Variants in DHRS7B observed in about 807,000 individuals in gnomAD.
DHRS7B encodes dehydrogenase/reductase 7B, also known as peroxisomal reductase activating PPAR-gamma.
DHRS7B carries 24 observed loss-of-function variants against 26.4 expected under a neutral mutation model. The observed-to-expected ratio is 0.91, with a 90% CI of 0.66 to 1.28. The LOEUF (loss-of-function observed/expected upper bound fraction) is 1.28, where lower values mean the gene tolerates loss of function less well. DHRS7B is among the 50% of genes most tolerant of loss of function. The pLI, the probability that DHRS7B is intolerant of heterozygous loss-of-function variation, is 0.00. For synonymous variants in DHRS7B, 142 were observed against 166.4 expected (o/e 0.85, Z 1.13); for missense variants, 368 against 419.4 (o/e 0.88, Z 1.07).
At chr17:21,186,993 G>A (rs1347840715) in intron 5 of DHRS7B, among the ~76,000 whole-genome samples, 3 of 152,012 alleles carry the variant, frequency 2.0e-5, no homozygotes, top group Non-Finnish European at 4.4e-5. Flanking sequence ...CTACATGGCA[G>A]GTCTGCAGGG....
chr17:21,156,376 C>T (rs1040924209), intron 1 of DHRS7B, among the ~76,000 whole-genome samples: 8 of 151,998 alleles, frequency 5.3e-5, no homozygotes, highest in African/African-American at 1.9e-4. Flanking sequence ...GAGGCAGAGG[C>T]AGGTGGATTA....
At chr17:21,130,126 G>A (rs1044164437) in intron 1 of DHRS7B, among the ~76,000 whole-genome samples, 3 of 152,186 alleles carry the variant, frequency 2.0e-5, no homozygotes, top group South Asian at 2.1e-4. Context: ...GGCTGAGCAC[G>A]GTGGCTCACG....
intron 1 of DHRS7B, among the ~76,000 whole-genome samples, chr17:21,146,415 A>G (rs927884103): frequency 6.6e-6 from 1 of 152,200 alleles, no homozygotes; most frequent in African/African-American, 2.4e-5. Context: ...AACAAAAACA[A>G]AACAGAAAAC....
chr17:21,169,042 GGT>G, intron 1 of DHRS7B: 2 of 462,618 alleles, frequency 4.3e-6, no homozygotes, highest in Non-Finnish European at 5.7e-6. Context: ...CTCCTCCCTG[GGT>G]GTGAAGACGG....
At chr17:21,190,920 T>C (rs1395923471) in intron 6 of DHRS7B, 28 bp from the exon 7 acceptor site, 2 of 1,608,298 alleles carry the variant, frequency 1.2e-6, no homozygotes, top group Non-Finnish European at 1.7e-6. Context: ...TCCAAGTTCA[T>C]GTGTTTCTTT....
chr17:21,138,211 CTTTTTTTTTTT>C (rs901329961), intron 1 of DHRS7B, among the ~76,000 whole-genome samples: 1 of 78,224 alleles, frequency 1.3e-5, no homozygotes, highest in Non-Finnish European at 2.3e-5. Context: ...ATCCCTCCTT[CTTTTTTTTTTT>C]TTTTTTTTTT....
Position 21,172,023 on chromosome 17 carries a change from G to A in DHRS7B, c.26G>A (p.Ser9Asn). Reference sequence around the variant, plus strand: ...TTTGGTTTTGGTTCTTCCAGGAAGAGTCTGCCGAAGGTGAAGGCCATGGAC... The same window carrying A: ...TTTGGTTTTGGTTCTTCCAGGAAGAATCTGCCGAAGGTGAAGGCCATGGAC... MVSPATRK[S>N]LPKVKAMDFI... The change falls in exon 2 of 7, where the codon AGT (serine) becomes AAT (asparagine). Residue 9 changes from serine to asparagine, a missense_variant. Ser to Asn is a conservative substitution (Grantham distance 46). Transcript: ENST00000395511. The A allele has an allele frequency of 6.2e-7, 1 of 1,614,222 alleles. No individual in the cohort carries two copies. The highest frequency in any genetic ancestry group is 8.5e-7 in the Non-Finnish European group (1 of 1,180,038).
intron 1 of DHRS7B, chr17:21,166,105 T>C: frequency 1.0e-6 from 1 of 975,644 alleles, no homozygotes; most frequent in Non-Finnish European, 1.2e-6. Flanking sequence ...GGCCCGGGGC[T>C]GGGCTTTGGC....
chr17:21,147,544 G>A (rs917303519), intron 1 of DHRS7B, among the ~76,000 whole-genome samples: 6 of 152,250 alleles, frequency 3.9e-5, no homozygotes, highest in African/African-American at 9.6e-5. Flanking sequence ...AAAAAGCTCC[G>A]AGCAGATGGT....
chr17:21,176,855 C>T (rs1357008023), intron 2 of DHRS7B, among the ~76,000 whole-genome samples: 36 of 152,092 alleles, frequency 2.4e-4, no homozygotes, highest in Admixed American at 2.2e-3. Context: ...TAGCTCAAGT[C>T]CACTCTCTTG....
Position 21,166,704 on chromosome 17 carries a change from G to A in DHRS7B, c.21-5314G>A, listed in dbSNP as rs995963617. Among the ~76,000 whole-genome samples the A allele has an allele frequency of 1.3e-4, 20 of 152,126 alleles. 2 individuals carry two copies. The highest frequency in any genetic ancestry group is 8.5e-4 in the Admixed American group (13 of 15,262). The stretch of plus-strand genomic sequence containing the variant: ...CATTGGTTATAAAATAAAAGAGTAC[G>A]TGTAGGTTTGTGGGAGCAGGATCCT... On this transcript the variant is annotated intron_variant, in intron 1 of 6. Transcript: ENST00000395511.
chr17:21,130,521 TA>T (rs1973206814), intron 1 of DHRS7B, among the ~76,000 whole-genome samples: 1 of 152,120 alleles, frequency 6.6e-6, no homozygotes, highest in African/African-American at 2.4e-5. Flanking sequence ...CAAGCTAAGC[TA>T]GGGGTAGTTT....
At chr17:21,163,671 G>A (rs976918303) in intron 1 of DHRS7B, among the ~76,000 whole-genome samples, 1 of 152,090 alleles carries the variant, frequency 6.6e-6, no homozygotes, top group Non-Finnish European at 1.5e-5. Context: ...TCTCCTCACT[G>A]GCTTAGTCCA....
intron 5 of DHRS7B, among the ~76,000 whole-genome samples, chr17:21,186,762 C>A (rs1974643406): frequency 6.6e-6 from 1 of 152,172 alleles, no homozygotes; most frequent in Non-Finnish European, 1.5e-5. Context: ...TTCAGAGCAC[C>A]TTTTACCGGG....
At chr17:21,136,125 C>G (rs574797414) in intron 1 of DHRS7B, among the ~76,000 whole-genome samples, 1 of 151,948 alleles carries the variant, frequency 6.6e-6, no homozygotes, top group South Asian at 2.1e-4. Context: ...ATGGTGAAAC[C>G]CCGTCTCTAC....
At chr17:21,170,365 A>C (rs1974212218) in intron 1 of DHRS7B, among the ~76,000 whole-genome samples, 1 of 152,226 alleles carries the variant, frequency 6.6e-6, no homozygotes, top group African/African-American at 2.4e-5. Flanking sequence ...CCTGCAGGCA[A>C]GAACACCTGG....
In DHRS7B at chr17:21,180,405, G is replaced by A. The variant is rs192334831; in HGVS notation, c.309+2063G>A. 4.9e-3 allele frequency among the ~76,000 whole-genome samples: 740 copies of A among 152,212 alleles called. 2 individuals are homozygous for A. Among genetic ancestry groups the A allele is most frequent in the Admixed American group, 9.2e-3 (141 of 15,288 alleles). On this transcript the variant is annotated intron_variant, in intron 3 of 6. Transcript: ENST00000395511. ...ATAATTTTAAATCTTACATTTAGGTGATTGATCCATTTGAGTTAATTTTTA... is the reference window on the plus strand; with the variant it reads ...ATAATTTTAAATCTTACATTTAGGTAATTGATCCATTTGAGTTAATTTTTA...
intron 5 of DHRS7B, among the ~76,000 whole-genome samples, chr17:21,186,786 G>C (rs1196635167): frequency 6.6e-6 from 1 of 152,210 alleles, no homozygotes; most frequent in Non-Finnish European, 1.5e-5. Flanking sequence ...TGAAGCCCTT[G>C]CTCGAGAGCA....
At chr17:21,138,066 T>TTA (rs71357468) in intron 1 of DHRS7B, among the ~76,000 whole-genome samples, 1,329 of 35,044 alleles carry the variant, frequency 0.038, 49 homozygotes, top group Middle Eastern at 0.065. Flanking sequence ...CGGCCTCTTT[T>TTA]AAAAAAAAAA....
Sources: allele counts gnomAD v4.1 joint callset (sites outside exome capture counted in the v4.1 genomes callset), GRCh38; gene constraint gnomAD v4.1.1; transcripts MANE v1.5; gene names NCBI Gene and HGNC (gene_info 2026-07-23, HGNC 2026-07-21).